The following HSD17B12 variants were observed in gnomAD, a reference collection of about 807,000 sequenced individuals.
HSD17B12 encodes very-long-chain 3-oxoacyl-CoA reductase.
In HSD17B12, 32 loss-of-function variants were observed where a neutral mutation model predicts 39.3. The observed-to-expected ratio is 0.81, with a 90% CI of 0.61 to 1.09. HSD17B12 has a LOEUF of 1.09. Ranked by LOEUF, HSD17B12 falls within the 50% of genes least tolerant of loss-of-function variation. The pLI is 0.00. For synonymous variants in HSD17B12, 150 were observed against 146.7 expected, an observed-to-expected ratio of 1.02 and a Z score of -0.16; for missense variants, 342 against 382.9, an observed-to-expected ratio of 0.89 and a Z score of 0.89.
At chr11:43,824,058 T>A (rs1951208809) in intron 6 of HSD17B12, among the ~76,000 whole-genome samples, 1 of 152,166 alleles carries the variant, frequency 6.6e-6, no homozygotes, top group South Asian at 2.1e-4. Context: ...GATTTCTAAC[T>A]TCTCTTGGGA....
rs774159849 is a variant in HSD17B12, at chr11:43,753,997, T to G, written c.208-49T>G. ...AATGGGGGTTATAGCTCATTAATGT[T>G]TTTCAGTGACATGCACAGGTGTGAT... On this transcript the variant is annotated intron_variant, in intron 2 of 10. Coordinates refer to ENST00000278353, the MANE Select transcript of HSD17B12 (RefSeq NM_016142.3). 3.2e-6 allele frequency: 4 copies of G among 1,268,942 alleles called. No individual in the cohort carries two copies. The South Asian group carries it at 3.9e-5, about 12-fold the overall frequency. The allele number at this position is 1,268,942 out of a possible 1,614,324, so 78.6% of individuals were successfully genotyped here.
At chr11:43,653,373 A>C in the HSD17B12 span, among the ~76,000 whole-genome samples, 1 of 152,070 alleles carries the variant, frequency 6.6e-6, no homozygotes, top group Non-Finnish European at 1.5e-5. Flanking sequence ...AAAATCTTTG[A>C]GGTCTTGGTT....
chr11:43,819,632 T>G (rs1951162336), intron 6 of HSD17B12, among the ~76,000 whole-genome samples: 1 of 152,226 alleles, frequency 6.6e-6, no homozygotes, highest in South Asian at 2.1e-4. Context: ...TCATCCTTCC[T>G]CTTCTTCATT....
intron 9 of HSD17B12, chr11:43,852,069 G>A (rs1358717052): frequency 6.6e-6 from 1 of 152,112 alleles, no homozygotes; most frequent in Non-Finnish European, 1.5e-5. Flanking sequence ...TTAAACCATC[G>A]TGGAAATAAA....
the HSD17B12 span, among the ~76,000 whole-genome samples, chr11:43,562,991 A>G: frequency 6.6e-6 from 1 of 152,178 alleles, no homozygotes; most frequent in Non-Finnish European, 1.5e-5. Flanking sequence ...CCTCAGCTGA[A>G]GTAGATGTTC....
the HSD17B12 span, among the ~76,000 whole-genome samples, chr11:43,634,406 G>A: frequency 1.1e-4 from 16 of 151,842 alleles, no homozygotes; most frequent in African/African-American, 3.4e-4. Context: ...ATAATTTCAC[G>A]TTTACTGAAT....
rs12272257 is a variant in HSD17B12 at position 43,713,132 on chromosome 11, T to A, written c.160+32145T>A. ...ACAATTTGGTAGTCACCAGCTTTTT[T>A]AAATTTTTTTGTTATACTTTAAGTT... is the stretch of plus-strand genomic sequence containing the variant. On this transcript the variant is annotated intron_variant, in intron 1 of 10. Coordinates refer to ENST00000278353, the MANE Select transcript of HSD17B12 (RefSeq NM_016142.3). Among the ~76,000 whole-genome samples the A allele has an allele frequency of 9.9e-3, 1,501 of 152,316 alleles. 26 individuals carry two copies. The highest frequency in any genetic ancestry group is 0.033 in the African/African-American group (1,354 of 41,564).
chr11:43,827,436 T>C (rs1288792436), intron 6 of HSD17B12, among the ~76,000 whole-genome samples: 1 of 152,182 alleles, frequency 6.6e-6, no homozygotes, highest in Non-Finnish European at 1.5e-5. Context: ...GGCTCCTGGG[T>C]ATAAAATAAA....
intron 1 of HSD17B12, among the ~76,000 whole-genome samples, chr11:43,747,268 A>C (rs1255015647): frequency 6.6e-6 from 1 of 152,224 alleles, no homozygotes; most frequent in Non-Finnish European, 1.5e-5. Context: ...TACAATTCAA[A>C]ATAGAGTGGT....
chr11:43,589,581 T>G, the HSD17B12 span, among the ~76,000 whole-genome samples: 2 of 152,214 alleles, frequency 1.3e-5, no homozygotes, highest in East Asian at 3.8e-4. Context: ...TTTCCCACAT[T>G]TAAACCCACA....
At chr11:43,591,956 TA>T in the HSD17B12 span, among the ~76,000 whole-genome samples, 21 of 152,266 alleles carry the variant, frequency 1.4e-4, no homozygotes, top group South Asian at 3.7e-3. Flanking sequence ...CTGCTATTCA[TA>T]AATTCATTCC....
chr11:43,819,518 G>A (rs1951161557), intron 6 of HSD17B12, among the ~76,000 whole-genome samples: 1 of 152,090 alleles, frequency 6.6e-6, no homozygotes, highest in Admixed American at 6.6e-5. Flanking sequence ...ACAAATCGAA[G>A]AGCACCATGA....
chr11:43,836,260 G>A (rs1183338103), intron 7 of HSD17B12, among the ~76,000 whole-genome samples: 3 of 152,280 alleles, frequency 2.0e-5, no homozygotes, highest in Non-Finnish European at 4.4e-5. Flanking sequence ...TTCACTTGCT[G>A]TGAATGAGTT....
the HSD17B12 span, among the ~76,000 whole-genome samples, chr11:43,621,692 C>T: frequency 6.6e-6 from 1 of 152,202 alleles, no homozygotes; most frequent in Non-Finnish European, 1.5e-5. Flanking sequence ...GCCCAGATGA[C>T]AGAGTGAGAC....
chr11:43,852,152 A>C (rs1011563901), intron 9 of HSD17B12: 1 of 152,226 alleles, frequency 6.6e-6, no homozygotes, highest in African/African-American at 2.4e-5. Flanking sequence ...CTGAGTATGC[A>C]TCTCTTGTCC....
At chr11:43,705,122 C>T (rs1241409280) in intron 1 of HSD17B12, among the ~76,000 whole-genome samples, 2 of 152,120 alleles carry the variant, frequency 1.3e-5, no homozygotes, top group East Asian at 1.9e-4. Context: ...TATTGCTATT[C>T]ATTTGAATAC....
chr11:43,763,313 G>A (rs2134969421), intron 3 of HSD17B12, among the ~76,000 whole-genome samples: 1 of 152,056 alleles, frequency 6.6e-6, no homozygotes, highest in South Asian at 2.1e-4. Flanking sequence ...AGCATATACA[G>A]AAACAAGAAA....
At chr11:43,621,903 G>A in the HSD17B12 span, among the ~76,000 whole-genome samples, 1 of 152,082 alleles carries the variant, frequency 6.6e-6, no homozygotes. Context: ...TACTTTTACA[G>A]CAAAAGAATG....
At chr11:43,789,929 C>A (rs965452853) in intron 3 of HSD17B12, among the ~76,000 whole-genome samples, 2 of 152,080 alleles carry the variant, frequency 1.3e-5, no homozygotes, top group Admixed American at 1.3e-4. Context: ...GAGACCCTGT[C>A]CCACTGCCCA....
Sources: allele counts gnomAD v4.1 joint callset (sites outside exome capture counted in the v4.1 genomes callset), GRCh38; gene constraint gnomAD v4.1.1; transcripts MANE v1.5; gene names NCBI Gene and HGNC (gene_info 2026-07-23, HGNC 2026-07-21).